RGS7: variants seen among roughly 807,000 people sequenced by gnomAD.
The protein encoded by RGS7 is regulator of G-protein signaling 7.
A neutral mutation model predicts 81.1 loss-of-function variants in RGS7; 27 were observed. The observed-to-expected ratio is 0.33, with a 90% confidence interval of 0.25 to 0.46. The LOEUF is 0.46. RGS7 is among the 20% of genes least tolerant of loss of function. The probability of loss-of-function intolerance (pLI) is 1.00; values close to 1 mark genes in which losing one functional copy is unlikely to be tolerated. For synonymous variants in RGS7, 208 were observed against 207.7 expected, an observed-to-expected ratio of 1.00 and a Z score of -0.01; for missense variants, 396 against 607.4, an observed-to-expected ratio of 0.65 and a Z score of 3.66.
At chr1:241,064,724 TA>T (rs558511863) in intron 3 of RGS7, among the ~76,000 whole-genome samples, 11 of 147,906 alleles carry the variant, frequency 7.4e-5, no homozygotes, top group African/African-American at 9.9e-5. Flanking sequence ...AGACCTCATT[TA>T]AAAAAAAAAG....
At chr1:240,970,947 C>T (rs777203987) in intron 4 of RGS7, among the ~76,000 whole-genome samples, 1 of 151,928 alleles carries the variant, frequency 6.6e-6, no homozygotes, top group Non-Finnish European at 1.5e-5. Context: ...CCGCTGCACT[C>T]CAGCCTGCAT....
At chr1:240,866,812 G>A (rs1192349681) in intron 9 of RGS7, among the ~76,000 whole-genome samples, 5 of 152,282 alleles carry the variant, frequency 3.3e-5, no homozygotes, top group African/African-American at 1.2e-4. Flanking sequence ...TGTCATCTCT[G>A]TGAGCATGAG....
At chr1:241,065,287 TTATAGA>T (rs2148848079) in intron 3 of RGS7, among the ~76,000 whole-genome samples, 1 of 148,760 alleles carries the variant, frequency 6.7e-6, no homozygotes, top group African/African-American at 2.5e-5. Flanking sequence ...TACAGATATA[TTATAGA>T]TATAGATATA....
intron 2 of RGS7, among the ~76,000 whole-genome samples, chr1:241,200,765 T>G (rs1012370158): frequency 6.6e-6 from 1 of 152,198 alleles, no homozygotes; most frequent in African/African-American, 2.4e-5. Flanking sequence ...TTAGTTTCTG[T>G]TCATCTTTGA....
At chr1:240,819,769 C>T (rs927432754) in intron 10 of RGS7, among the ~76,000 whole-genome samples, 3 of 152,052 alleles carry the variant, frequency 2.0e-5, no homozygotes, top group African/African-American at 7.2e-5. Flanking sequence ...CACAAAGGTC[C>T]CATAAGAGAC....
intron 4 of RGS7, among the ~76,000 whole-genome samples, chr1:240,937,856 A>C (rs961889665): frequency 6.6e-6 from 1 of 152,198 alleles, no homozygotes; most frequent in Non-Finnish European, 1.5e-5. Context: ...TATTCTATAC[A>C]GTGTTCTAAA....
At chr1:241,079,148 AG>A (rs2062993268) in intron 3 of RGS7, among the ~76,000 whole-genome samples, 2 of 152,178 alleles carry the variant, frequency 1.3e-5, no homozygotes, top group Non-Finnish European at 2.9e-5. Flanking sequence ...TTCCCTGCTG[AG>A]ATAAAAGCGA....
chr1:241,325,759 CT>C (rs1222583227), intron 2 of RGS7, among the ~76,000 whole-genome samples: 1 of 152,070 alleles, frequency 6.6e-6, no homozygotes, highest in Admixed American at 6.5e-5. Context: ...AACTATTCTC[CT>C]TTTTTTCAGT....
intron 3 of RGS7, among the ~76,000 whole-genome samples, chr1:241,088,165 G>A (rs2063591892): frequency 6.6e-6 from 1 of 151,390 alleles, no homozygotes; most frequent in Admixed American, 6.6e-5. Context: ...CATTTTAGAT[G>A]GAGGAAAAAA....
chr1:241,236,842 AT>A (rs5782181), intron 2 of RGS7, among the ~76,000 whole-genome samples: 69,876 of 151,950 alleles, frequency 0.46, 16,213 homozygotes, highest in South Asian at 0.49. Flanking sequence ...TATAAAAAAA[AT>A]ATCCATCTGA....
intron 2 of RGS7, among the ~76,000 whole-genome samples, chr1:241,112,334 G>C (rs1479884010): frequency 1.3e-5 from 2 of 152,108 alleles, no homozygotes; most frequent in Non-Finnish European, 2.9e-5. Flanking sequence ...TAATTAAAGG[G>C]ATGACCTCAC....
chr1:241,101,990 AAGT>A (rs2064776929), intron 2 of RGS7, among the ~76,000 whole-genome samples: 1 of 152,190 alleles, frequency 6.6e-6, no homozygotes, highest in African/African-American at 2.4e-5. Flanking sequence ...TGGAAAGTAA[AAGT>A]GACTTCTGTG....
At chr1:241,003,645 A>G (rs2148638765) in intron 3 of RGS7, among the ~76,000 whole-genome samples, 1 of 152,296 alleles carries the variant, frequency 6.6e-6, no homozygotes, top group African/African-American at 2.4e-5. Context: ...AAACCTAATT[A>G]CTGCAAAAAA....
chr1:241,036,467 G>A (rs1035033514), intron 3 of RGS7, among the ~76,000 whole-genome samples: 2 of 152,182 alleles, frequency 1.3e-5, no homozygotes, highest in Admixed American at 1.3e-4. Context: ...GCTTGCTGTG[G>A]TGGTGGTTGT....
intron 4 of RGS7, among the ~76,000 whole-genome samples, chr1:240,975,596 C>A (rs189932163): frequency 1.3e-5 from 2 of 152,184 alleles, no homozygotes; most frequent in East Asian, 3.9e-4. Context: ...CAGCAAGGGG[C>A]ACAAATGAGC....
intron 2 of RGS7, chr1:241,305,766 G>C (rs757288578): frequency 8.2e-6 from 2 of 244,988 alleles, no homozygotes; most frequent in Non-Finnish European, 1.6e-5. Context: ...ACCTCTCGGG[G>C]CATGTCTTGC....
chr1:241,304,380 A>T (rs570894682), intron 2 of RGS7, among the ~76,000 whole-genome samples: 5 of 152,210 alleles, frequency 3.3e-5, no homozygotes, highest in Non-Finnish European at 7.3e-5. Context: ...TAACTCTGGA[A>T]GTAGAGAGAA....
At chr1:241,065,984 C>T (rs115264958) in intron 3 of RGS7, among the ~76,000 whole-genome samples, 1 of 152,036 alleles carries the variant, frequency 6.6e-6, no homozygotes, top group Non-Finnish European at 1.5e-5. Flanking sequence ...AGAATAGTTA[C>T]TGAAGATACA....
chr1:240,783,531 G>A (rs1684478301), intron 18 of RGS7, among the ~76,000 whole-genome samples: 1 of 151,882 alleles, frequency 6.6e-6, no homozygotes, highest in Non-Finnish European at 1.5e-5. Flanking sequence ...GCTGAGACAG[G>A]AGAATTGTTT....
Sources: gnomAD v4.1 joint callset for allele counts (sites outside exome capture counted in the v4.1 genomes callset) on GRCh38, gnomAD v4.1.1 for gene constraint, MANE v1.5 for transcripts, NCBI Gene and HGNC (gene_info 2026-07-23, HGNC 2026-07-21) for gene names.